Variants in ZNF423 observed in about 807,000 individuals in gnomAD.
The protein encoded by ZNF423 is zinc finger protein 423.
Under a neutral mutation model 95.8 loss-of-function variants are expected in ZNF423, and 12 were observed. The ratio of observed to expected loss-of-function variants is 0.13; its 90% CI spans 0.08 to 0.20. The LOEUF is 0.20. ZNF423 is among the 10% of genes least tolerant of loss of function. The pLI is 1.00. For missense variants in ZNF423, 1,316 were observed against 1,737.1 expected (o/e 0.76, Z 4.31); for synonymous variants, 749 against 711.9 (o/e 1.05, Z -0.83).
chr16:49,598,447 G>A (rs1971251486), intron 5 of ZNF423, among the ~76,000 whole-genome samples: 1 of 152,254 alleles, frequency 6.6e-6, no homozygotes, highest in South Asian at 2.1e-4. Flanking sequence ...GGCACTTGGA[G>A]CATCATTCCT....
intron 5 of ZNF423, among the ~76,000 whole-genome samples, chr16:49,582,370 G>A (rs982980329): frequency 7.9e-5 from 12 of 152,318 alleles, no homozygotes; most frequent in Admixed American, 4.6e-4. Flanking sequence ...CCCAGCATCC[G>A]AGTTGTATCT....
intron 3 of ZNF423, among the ~76,000 whole-genome samples, chr16:49,727,705 G>A (rs1189592689): frequency 6.6e-6 from 1 of 152,188 alleles, no homozygotes; most frequent in African/African-American, 2.4e-5. Flanking sequence ...CTATGAAGGG[G>A]AGGGTTGTTC....
At chr16:49,505,508 C>T (rs143782260) in intron 7 of ZNF423, among the ~76,000 whole-genome samples, 5 of 151,916 alleles carry the variant, frequency 3.3e-5, no homozygotes, top group East Asian at 1.9e-4. Flanking sequence ...CCAAGAATGG[C>T]CCCCAGCCCC....
intron 5 of ZNF423, among the ~76,000 whole-genome samples, chr16:49,567,891 C>T (rs1232922363): frequency 6.6e-6 from 1 of 152,128 alleles, no homozygotes; most frequent in East Asian, 1.9e-4. Flanking sequence ...AGGGGAGAGC[C>T]GGCCTATACT....
At chr16:49,837,726 CTCT>C (rs1223130756) in intron 1 of ZNF423, among the ~76,000 whole-genome samples, 1 of 152,244 alleles carries the variant, frequency 6.6e-6, no homozygotes, top group East Asian at 1.9e-4. Context: ...AGACTATGGC[CTCT>C]TCTTCTCCCT....
intron 7 of ZNF423, among the ~76,000 whole-genome samples, chr16:49,514,560 C>CG (rs1229370189): frequency 6.6e-6 from 1 of 152,176 alleles, no homozygotes; most frequent in Non-Finnish European, 1.5e-5. Context: ...TCCCTCTGGC[C>CG]GGGTACCAGG....
intron 5 of ZNF423, among the ~76,000 whole-genome samples, chr16:49,570,840 A>T (rs12446347): frequency 0.11 from 16,824 of 152,124 alleles, 1,022 homozygotes; most frequent in East Asian, 0.15. Context: ...CCATCCCATC[A>T]CTCACCAGAA....
In ZNF423 at chr16:49,637,340, G is replaced by A. The variant is rs1254178653; in HGVS notation, c.1836C>T (p.Ser612=). 3 of 1,614,226 alleles carry A rather than the reference G, an allele frequency of 1.9e-6. No homozygotes were observed. In the East Asian group the frequency reaches 6.7e-5, roughly 36 times the overall value. The part of the protein sequence containing the change: ...AHSKKSKAEQ[S]PVSSDVEVSS... The stretch of plus-strand genomic sequence containing the variant: ...ACACCTCCACATCGGACGAGACTGG[G>A]CTCTGCTCGGCCTTGGACTTCTTGC... Residue 612 remains serine (S), a synonymous_variant, in exon 4 of 8, where the codon AGC becomes AGT. Transcript: ENST00000563137. The surrounding 1 kb of genome is among the most constrained non-coding windows in gnomAD (Gnocchi z 5.6).
chr16:49,621,398 GA>G, intron 5 of ZNF423, among the ~76,000 whole-genome samples: 1 of 152,274 alleles, frequency 6.6e-6, no homozygotes, highest in Non-Finnish European at 1.5e-5. Flanking sequence ...GCAGCCAGGA[GA>G]GGGGTGCTGG....
intron 5 of ZNF423, among the ~76,000 whole-genome samples, chr16:49,554,695 G>A (rs6500232): frequency 6.6e-6 from 1 of 151,674 alleles, no homozygotes; most frequent in Admixed American, 6.6e-5. Flanking sequence ...ATTATTTTCA[G>A]TTGGCTTTTC....
chr16:49,596,198 G>A lies in ZNF423; in HGVS notation c.3601+29972C>T, dbSNP rs56124280. The stretch of plus-strand genomic sequence containing the variant: ...AAAAAAAAATGTTCTTCTTCATCTC[G>A]CACAAAGCCGCAAACAGCTCCATTC... On this transcript the variant is annotated intron_variant, in intron 5 of 7. Coordinates refer to ENST00000563137, the MANE Select transcript of ZNF423 (RefSeq NM_001379286.1). Among the ~76,000 whole-genome samples, 721 of 152,184 alleles carry A rather than the reference G, an allele frequency of 4.7e-3. 4 individuals are homozygous for A. The highest frequency in any genetic ancestry group is 0.01 in the Middle Eastern group (3 of 294).
At position 49,714,020 on chromosome 16, in the gene ZNF423, G is replaced by A. The variant is rs560553280; in HGVS notation, c.301+16751C>T. ...CAGCCCGGCAGTGTGGTAAAGGAAG[G>A]AGGAGAGAGTGAACCCACCAGGCAC... is the stretch of plus-strand genomic sequence containing the variant. On this transcript the variant is annotated intron_variant, in intron 3 of 7. Coordinates refer to ENST00000563137, the MANE Select transcript of ZNF423 (RefSeq NM_001379286.1). Among the ~76,000 whole-genome samples the A allele has an allele frequency of 2.0e-3, 297 of 152,302 alleles. 2 individuals are homozygous for A. Among genetic ancestry groups the A allele is most frequent in the Non-Finnish European group, 3.7e-3 (250 of 68,038 alleles).
intron 7 of ZNF423, among the ~76,000 whole-genome samples, chr16:49,491,571 A>G (rs1374455861): frequency 3.2e-5 from 4 of 126,270 alleles, no homozygotes; most frequent in African/African-American, 1.2e-4. Flanking sequence ...TTTAAAGACC[A>G]TTCAGGTCTT....
intron 1 of ZNF423, among the ~76,000 whole-genome samples, chr16:49,834,210 A>G (rs140528984): frequency 1.3e-5 from 2 of 152,268 alleles, no homozygotes; most frequent in Admixed American, 6.5e-5. Flanking sequence ...CATACAGCCT[A>G]TATAACCTCA....
chr16:49,666,774 CTT>C (rs1357821743), intron 3 of ZNF423, among the ~76,000 whole-genome samples: 1 of 152,180 alleles, frequency 6.6e-6, no homozygotes, highest in Non-Finnish European at 1.5e-5. Flanking sequence ...AGTAAGGACT[CTT>C]ATTTCCCTGG....
intron 7 of ZNF423, among the ~76,000 whole-genome samples, chr16:49,510,955 G>A (rs183235534): frequency 4.1e-4 from 62 of 152,344 alleles, no homozygotes; most frequent in Non-Finnish European, 4.6e-4. Context: ...CTGCCCTAGG[G>A]CATGAATGAC....
chr16:49,770,203 C>CGAATGAAT lies in ZNF423; in HGVS notation c.100+19276_100+19283dup, dbSNP rs10661234. Among the ~76,000 whole-genome samples, 1,084 of 150,800 alleles carry CGAATGAAT rather than the reference C, an allele frequency of 7.2e-3. 7 individuals are homozygous for CGAATGAAT. The highest frequency in any genetic ancestry group is 0.023 in the African/African-American group (957 of 41,038). On this transcript the variant is annotated intron_variant, in intron 2 of 7. Transcript: ENST00000563137. Reference sequence around the variant, plus strand: ...CTGAAAGAATGAATAAAAGAATGAACGAATGAATGAATGAATGAATGGGCC... The same window carrying CGAATGAAT: ...CTGAAAGAATGAATAAAAGAATGAACGAATGAATGAATGAATGAATGAATGAATGGGCC...
intron 2 of ZNF423, among the ~76,000 whole-genome samples, chr16:49,771,001 C>A (rs372369368): frequency 1.3e-5 from 2 of 152,042 alleles, no homozygotes; most frequent in African/African-American, 4.8e-5. Flanking sequence ...GGCCAAGGGA[C>A]GGAGGAGCAG....
chr16:49,732,126 C>T (rs1439934664), intron 2 of ZNF423, among the ~76,000 whole-genome samples: 1 of 152,140 alleles, frequency 6.6e-6, no homozygotes, highest in Admixed American at 6.6e-5. Flanking sequence ...AGCTTTGTCT[C>T]ACAGGTAAGG....
Sources: gnomAD v4.1 joint callset for allele counts (sites outside exome capture counted in the v4.1 genomes callset) on GRCh38, gnomAD v4.1.1 for gene constraint, Gnocchi (gnomAD v3.1) non-coding constraint, MANE v1.5 for transcripts, NCBI Gene and HGNC (gene_info 2026-07-23, HGNC 2026-07-21) for gene names.